The following EIF2B3 variants were observed in gnomAD, a reference collection of about 807,000 sequenced individuals.
EIF2B3 encodes eukaryotic translation initiation factor 2B subunit gamma, also known as translation initiation factor eIF2B subunit gamma.
EIF2B3 carries 20 observed loss-of-function variants against 54.1 expected under a neutral mutation model. That is an observed-to-expected ratio of 0.37 (90% CI 0.26 to 0.54). The LOEUF (loss-of-function observed/expected upper bound fraction) is 0.54, where lower values mean the gene tolerates loss of function less well. Among genes scored for constraint, EIF2B3 ranks in the 20% least tolerant of loss-of-function variants. EIF2B3 has a pLI of 0.86. For synonymous variants in EIF2B3, 153 were observed against 188.1 expected (o/e 0.81, Z 1.52); for missense variants, 448 against 547.8 (o/e 0.82, Z 1.82).
intron 10 of EIF2B3, among the ~76,000 whole-genome samples, chr1:44,873,672 G>A (rs901767044): frequency 2.7e-5 from 4 of 150,940 alleles, no homozygotes; most frequent in African/African-American, 9.7e-5. Flanking sequence ...ACAGAGTCTT[G>A]CTCTGTCACC....
chr1:44,947,015 T>C (rs1418999429), intron 3 of EIF2B3, among the ~76,000 whole-genome samples: 2 of 152,198 alleles, frequency 1.3e-5, no homozygotes, highest in Non-Finnish European at 2.9e-5. Flanking sequence ...TCCCTGAACA[T>C]GCCAACACTC....
At chr1:44,900,067 C>T (rs977923659) in intron 5 of EIF2B3, among the ~76,000 whole-genome samples, 1 of 152,178 alleles carries the variant, frequency 6.6e-6, no homozygotes, top group Admixed American at 6.5e-5. Context: ...CTATCCTAAG[C>T]AAAGTAATGT....
chr1:44,855,849 G>A (rs1479824942), intron 11 of EIF2B3, among the ~76,000 whole-genome samples: 1 of 152,150 alleles, frequency 6.6e-6, no homozygotes, highest in Non-Finnish European at 1.5e-5. Context: ...GAGCCATCAT[G>A]CCCAGCTGAC....
intron 3 of EIF2B3, among the ~76,000 whole-genome samples, chr1:44,953,026 G>A (rs1393282886): frequency 1.3e-5 from 2 of 151,550 alleles, no homozygotes; most frequent in African/African-American, 4.9e-5. Context: ...TTGTTGAATC[G>A]AATAATTGAA....
At chr1:44,852,457 T>G (rs572701120) in intron 11 of EIF2B3, among the ~76,000 whole-genome samples, 2 of 152,188 alleles carry the variant, frequency 1.3e-5, no homozygotes, top group South Asian at 4.1e-4. Flanking sequence ...TCCTACATCA[T>G]TATACCACTC....
intron 5 of EIF2B3, among the ~76,000 whole-genome samples, chr1:44,923,527 C>A (rs781331117): frequency 3.6e-4 from 55 of 152,192 alleles, no homozygotes; most frequent in Non-Finnish European, 6.8e-4. Context: ...TAAAATTTCA[C>A]AATGATAACC....
Position 44,942,380 on chromosome 1 carries a change from TA to T in EIF2B3, c.295-716del, listed in dbSNP as rs1557696783. Among the ~76,000 whole-genome samples, 43 of 8,546 alleles carry T rather than the reference TA, an allele frequency of 5.0e-3. 1 individual carries two copies. The highest frequency in any genetic ancestry group is 4.3e-3 in the Non-Finnish European group (22 of 5,094). 5.6% of individuals were successfully genotyped at this position (8,546 alleles called of 152,430 possible). A position where few individuals can be genotyped will look rare whatever the true frequency, so the allele number is the denominator to read the frequency against. The stretch of plus-strand genomic sequence containing the variant: ...CTTATTGGTGGGCTTTCTGATTTTA[TA>T]TATATATATATATATATATATATAT... On this transcript the variant is annotated intron_variant, in intron 3 of 11. Coordinates refer to ENST00000360403, the MANE Select transcript of EIF2B3 (RefSeq NM_020365.5).
At chr1:44,951,512 T>C (rs452989) in intron 3 of EIF2B3, among the ~76,000 whole-genome samples, 72,191 of 151,968 alleles carry the variant, frequency 0.48, 17,946 homozygotes, top group African/African-American at 0.62. Context: ...TATACATCAC[T>C]GTCTTCCTTA....
rs1176433794 is a variant in EIF2B3 at position 44,910,659 on chromosome 1, A to T, written c.567-13215T>A. Among the ~76,000 whole-genome samples the T allele has an allele frequency of 3.2e-3, 143 of 45,040 alleles. 2 individuals carry two copies. Among genetic ancestry groups the T allele is most frequent in the African/African-American group, 0.022 (132 of 5,998 alleles). 29.5% of individuals were successfully genotyped at this position (45,040 alleles called of 152,430 possible). A position where few individuals can be genotyped will look rare whatever the true frequency, so the allele number is the denominator to read the frequency against. ...TTTTTTTTTTTTTTTTTTTTTTTTA[A>T]AAGAGAGAAATGGGTCTTGCTATGT... is the stretch of plus-strand genomic sequence containing the variant. On this transcript the variant is annotated intron_variant, in intron 5 of 11. Transcript: ENST00000360403.
At chr1:44,851,038 T>G in intron 11 of EIF2B3, 35 bp from the exon 12 acceptor site, 1 of 1,606,054 alleles carries the variant, frequency 6.2e-7, no homozygotes, top group Non-Finnish European at 8.5e-7. Flanking sequence ...TTCTGAGAAC[T>G]GGCAGCAAGA....
At chr1:44,972,655 C>CACAA (rs915555006) in intron 3 of EIF2B3, 3 of 150,140 alleles carry the variant, frequency 2.0e-5, no homozygotes, top group Non-Finnish European at 4.4e-5. Context: ...CACACACACA[C>CACAA]ACTGATTTTA....
intron 5 of EIF2B3, among the ~76,000 whole-genome samples, chr1:44,904,648 G>C (rs1453546490): frequency 6.6e-6 from 1 of 152,162 alleles, no homozygotes; most frequent in East Asian, 1.9e-4. Flanking sequence ...TGAGTAGCTG[G>C]AACTACAGGT....
intron 11 of EIF2B3, among the ~76,000 whole-genome samples, chr1:44,854,299 G>A (rs1339133173): frequency 1.3e-5 from 2 of 151,952 alleles, no homozygotes; most frequent in East Asian, 1.9e-4. Flanking sequence ...TACAGCCTCT[G>A]TACCCAGCCA....
At position 44,866,274 on chromosome 1, in the gene EIF2B3, C is replaced by T. The variant is rs181187534; in HGVS notation, c.1202+8404G>A. Among the ~76,000 whole-genome samples, 719 of 151,664 alleles carry T rather than the reference C, an allele frequency of 4.7e-3. 2 individuals carry two copies. The highest frequency in any genetic ancestry group is 7.2e-3 in the East Asian group (37 of 5,114). On this transcript the variant is annotated intron_variant, in intron 10 of 11. Coordinates refer to ENST00000360403, the MANE Select transcript of EIF2B3 (RefSeq NM_020365.5). The stretch of plus-strand genomic sequence containing the variant: ...TTAGCTGGGCATGGTAGCACGTGCC[C>T]GTAGTCCCAGCTACTCGGGAGGCTG...
intron 10 of EIF2B3, among the ~76,000 whole-genome samples, chr1:44,871,874 CTTT>C (rs71040515): frequency 6.7e-5 from 8 of 118,874 alleles, no homozygotes; most frequent in Admixed American, 1.9e-4. Flanking sequence ...ACTTCACAAT[CTTT>C]TTTTTTTTTT....
chr1:44,917,974 C>T (rs1228623131), intron 5 of EIF2B3, among the ~76,000 whole-genome samples: 2 of 149,916 alleles, frequency 1.3e-5, no homozygotes, highest in African/African-American at 2.4e-5. Flanking sequence ...GGGGTTTCAC[C>T]GTGTTAGCCA....
At chr1:44,871,637 G>A (rs1573693309) in intron 10 of EIF2B3, among the ~76,000 whole-genome samples, 1 of 152,296 alleles carries the variant, frequency 6.6e-6, no homozygotes, top group East Asian at 1.9e-4. Flanking sequence ...GAACAAGAGA[G>A]ATAAGGCACT....
intron 11 of EIF2B3, among the ~76,000 whole-genome samples, chr1:44,852,583 C>A (rs1203016627): frequency 6.6e-6 from 1 of 151,912 alleles, no homozygotes; most frequent in Non-Finnish European, 1.5e-5. Context: ...AGTTCAAGAC[C>A]AGCCTGGCCA....
chr1:44,870,073 G>A (rs889469896), intron 10 of EIF2B3, among the ~76,000 whole-genome samples: 2 of 151,974 alleles, frequency 1.3e-5, no homozygotes, highest in Non-Finnish European at 2.9e-5. Context: ...TCAGGAGGCT[G>A]AGGTGAGCGG....
Sources: gnomAD v4.1 joint callset for allele counts (sites outside exome capture counted in the v4.1 genomes callset) on GRCh38, gnomAD v4.1.1 for gene constraint, MANE v1.5 for transcripts, NCBI Gene and HGNC (gene_info 2026-07-23, HGNC 2026-07-21) for gene names.